MTCH2: variants seen among roughly 807,000 people sequenced by gnomAD.
The protein encoded by MTCH2 is mitochondrial carrier 2, also known as mitochondrial carrier homolog 2.
MTCH2 carries 25 observed loss-of-function variants against 50.6 expected under a neutral mutation model. That is an observed-to-expected ratio of 0.49 (90% confidence interval 0.36 to 0.69). The LOEUF is 0.69. MTCH2 is among the 30% of genes least tolerant of loss of function. MTCH2 has a pLI of 0.00. For synonymous variants in MTCH2, 106 were observed against 132.0 expected, an observed-to-expected ratio of 0.80 and a Z score of 1.35; for missense variants, 273 against 384.4, an observed-to-expected ratio of 0.71 and a Z score of 2.42.
chr11:47,625,197 G>C (rs1598838153), intron 11 of MTCH2, among the ~76,000 whole-genome samples: 1 of 151,944 alleles, frequency 6.6e-6, no homozygotes, highest in East Asian at 1.9e-4. Context: ...GAGGCGGGTG[G>C]ATCACTTGAG....
intron 10 of MTCH2, among the ~76,000 whole-genome samples, chr11:47,626,014 C>CTTT (rs879766632): frequency 6.8e-6 from 1 of 146,160 alleles, no homozygotes; most frequent in Admixed American, 6.9e-5. Context: ...TACCCAACTA[C>CTTT]TTTTTTTTTT....
intron 10 of MTCH2, 28 bp from the exon 11 acceptor site, chr11:47,625,769 AT>A: frequency 6.4e-7 from 1 of 1,564,198 alleles, no homozygotes; most frequent in Non-Finnish European, 8.8e-7. Context: ...GGCAGCTGTT[AT>A]TAGATCATTC....
intron 4 of MTCH2, 150 bp downstream of exon 4, chr11:47,635,395 A>G: frequency 1.3e-6 from 1 of 787,140 alleles, no homozygotes. Flanking sequence ...TTTCAAACAG[A>G]ACTGTCCAAA....
downstream of MTCH2, among the ~76,000 whole-genome samples, chr11:47,616,459 G>A (rs944425791): frequency 1.3e-5 from 2 of 151,954 alleles, no homozygotes; most frequent in Admixed American, 6.6e-5. Context: ...CGATTCTCCT[G>A]CCTCAGCCTC....
chr11:47,642,283 T>C (rs923827468), intron 1 of MTCH2, 96 bp downstream of exon 1: 37 of 1,071,158 alleles, frequency 3.5e-5, no homozygotes, highest in Non-Finnish European at 5.3e-6. Context: ...CTCGGGAGAA[T>C]GAAAGGCCCG....
downstream of MTCH2, among the ~76,000 whole-genome samples, chr11:47,616,912 G>A (rs1347207608): frequency 2.0e-5 from 3 of 152,176 alleles, no homozygotes; most frequent in East Asian, 1.9e-4. Context: ...TCGAATTCTC[G>A]ACCTCAGGTG....
chr11:47,608,623 G>A, the MTCH2 span, among the ~76,000 whole-genome samples: 7 of 152,082 alleles, frequency 4.6e-5, no homozygotes, highest in Non-Finnish European at 8.8e-5. Flanking sequence ...GGGGAACTGG[G>A]GCTGCATGTG....
At chr11:47,619,055 A>G in intron 12 of MTCH2, 136 bp from the exon 13 acceptor site, 1 of 735,476 alleles carries the variant, frequency 1.4e-6, no homozygotes, top group Non-Finnish European at 2.3e-6. Context: ...CAGAACAAGG[A>G]TTAGTATTCT....
At chr11:47,633,474 G>A (rs2097305219) in intron 5 of MTCH2, among the ~76,000 whole-genome samples, 1 of 123,090 alleles carries the variant, frequency 8.1e-6, no homozygotes, top group African/African-American at 3.2e-5. Flanking sequence ...AATTTATCTG[G>A]TTTCCAGACC....
chr11:47,618,981 A>G, intron 12 of MTCH2, 62 bp from the exon 13 acceptor site: 2 of 1,477,682 alleles, frequency 1.4e-6, no homozygotes, highest in South Asian at 2.3e-5. Flanking sequence ...AGCCAATCCA[A>G]ATCAGCAGAG....
Position 47,638,784 on chromosome 11 carries a change from T to C in MTCH2, c.194A>G (p.Asp65Gly). 6.2e-7 allele frequency: 1 copy of C among 1,614,102 alleles called. No homozygotes were observed. The highest frequency in any genetic ancestry group is 8.5e-7 in the Non-Finnish European group (1 of 1,180,002). Residue 65 changes from aspartate (D) to glycine (G), a missense_variant, in exon 3 of 13, where the codon GAT becomes GGT. By Grantham distance (94) the Asp-to-Gly change is moderately conservative (BLOSUM62 -1). Transcript: ENST00000302503. ...GCCTGTGAACAACCCGCGCCTCCCATCGATACTGGCAATGTGCTGAGCTAA... is the reference window on the plus strand; with the variant it reads ...GCCTGTGAACAACCCGCGCCTCCCACCGATACTGGCAATGTGCTGAGCTAA... ...FSYAQHIASIDGRRGLFTGLT... is the reference protein window; with the variant it reads ...FSYAQHIASIGGRRGLFTGLT...
intron 5 of MTCH2, among the ~76,000 whole-genome samples, chr11:47,633,782 C>T (rs2097305943): frequency 6.6e-6 from 1 of 151,562 alleles, no homozygotes; most frequent in Non-Finnish European, 1.5e-5. Flanking sequence ...GGTGATCCGC[C>T]CGCCTCGGCC....
chr11:47,636,891 A>T (rs1267021475), intron 3 of MTCH2, among the ~76,000 whole-genome samples: 2 of 152,140 alleles, frequency 1.3e-5, no homozygotes, highest in Admixed American at 1.3e-4. Flanking sequence ...GTCTCTAAAA[A>T]AATAATAATA....
chr11:47,640,741 C>T (rs2097313358), intron 1 of MTCH2, among the ~76,000 whole-genome samples: 1 of 151,916 alleles, frequency 6.6e-6, no homozygotes, highest in Non-Finnish European at 1.5e-5. Context: ...TACAACTGAG[C>T]ATTTGGGAAT....
chr11:47,626,387 T>C (rs2097298209), intron 10 of MTCH2, among the ~76,000 whole-genome samples: 3 of 150,848 alleles, frequency 2.0e-5, no homozygotes, highest in Non-Finnish European at 4.4e-5. Context: ...TTGCCCAGGC[T>C]GGTCTTGAAC....
intron 10 of MTCH2, 42 bp from the exon 11 acceptor site, chr11:47,625,783 AGTCTT>A (rs779859007): frequency 3.6e-5 from 55 of 1,515,360 alleles, no homozygotes; most frequent in Non-Finnish European, 4.9e-5. Flanking sequence ...GATCATTCCT[AGTCTT>A]TATTCTCCTT....
Position 47,617,987 on chromosome 11 carries a change from T to C in MTCH2, c.*846A>G, listed in dbSNP as rs931595507. ...ATAATTAGAACTGTATGGTGTAATT[T>C]AAGCACTGGCAAATACTTGGCTCTT... On this transcript the variant is annotated 3_prime_UTR_variant, in exon 13 of 13. Transcript: ENST00000302503. 1 of 152,218 alleles carries C rather than the reference T, an allele frequency of 6.6e-6. No homozygotes were observed. The highest frequency in any genetic ancestry group is 2.4e-5 in the African/African-American group (1 of 41,446). 9.4% of individuals were successfully genotyped at this position (152,218 alleles called of 1,614,324 possible). A position where few individuals can be genotyped will look rare whatever the true frequency, so the allele number is the denominator to read the frequency against.
rs1307940069 is a variant in MTCH2, at chr11:47,631,159, A to G, written c.428-72T>C. On this transcript the variant is annotated intron_variant, in intron 6 of 12. Transcript: ENST00000302503. ...TGCGGTGGCTCACACCTGTAATCCC[A>G]GCACTTTGAGAGGCCGAGGTGGGCG... The G allele has an allele frequency of 6.1e-6, 8 of 1,310,086 alleles. No homozygotes were observed. The Admixed American group carries it at 1.1e-4, about 18-fold the overall frequency. 81.2% of individuals were successfully genotyped at this position (1,310,086 alleles called of 1,614,324 possible). A position where few individuals can be genotyped will look rare whatever the true frequency, so the allele number is the denominator to read the frequency against.
At chr11:47,611,591 T>C in the MTCH2 span, among the ~76,000 whole-genome samples, 1 of 152,252 alleles carries the variant, frequency 6.6e-6, no homozygotes, top group Non-Finnish European at 1.5e-5. Flanking sequence ...CAAACTTTTC[T>C]TTCGTCCACG....
Sources: gnomAD v4.1 joint callset for allele counts (sites outside exome capture counted in the v4.1 genomes callset) on GRCh38, gnomAD v4.1.1 for gene constraint, MANE v1.5 for transcripts, NCBI Gene and HGNC (gene_info 2026-07-23, HGNC 2026-07-21) for gene names.